Variants in MTCL3 observed in about 807,000 individuals in gnomAD.
MTCL3 encodes microtubule cross-linking factor 3.
the MTCL3 span, among the ~76,000 whole-genome samples, chr6:127,486,318 C>T: frequency 6.6e-6 from 1 of 152,208 alleles, no homozygotes; most frequent in Non-Finnish European, 1.5e-5. Context: ...GTGTAAGTAT[C>T]ACATTTGCAT....
the MTCL3 span, among the ~76,000 whole-genome samples, chr6:127,493,925 G>C: frequency 6.6e-6 from 1 of 152,162 alleles, no homozygotes; most frequent in Non-Finnish European, 1.5e-5. Context: ...TGACGACAGA[G>C]TTATGTGAAT....
chr6:127,516,251 C>A, the MTCL3 span: 1 of 1,455,226 alleles, frequency 6.9e-7, no homozygotes, highest in Non-Finnish European at 9.0e-7. Context: ...TCAGCACCAG[C>A]CACAGGCTGG....
At chr6:127,515,568 C>G in the MTCL3 span, 11 of 1,462,750 alleles carry the variant, frequency 7.5e-6, no homozygotes, top group Non-Finnish European at 9.9e-6. This position sits in a 1 kb window ranked among gnomAD's most constrained non-coding sequence, Gnocchi z 4.3. Flanking sequence ...GCATTTCTTC[C>G]TGCTCTTGGA....
chr6:127,475,842 C>T, the MTCL3 span: 2 of 1,613,406 alleles, frequency 1.2e-6, no homozygotes, highest in Admixed American at 3.3e-5. This position sits in a 1 kb window ranked among gnomAD's most constrained non-coding sequence, Gnocchi z 7.3. Context: ...TGGACATAAG[C>T]ACGCGGTTCT....
At chr6:127,516,736 C>T in the MTCL3 span, 7 of 1,459,044 alleles carry the variant, frequency 4.8e-6, no homozygotes, top group East Asian at 5.0e-5. Flanking sequence ...AAGAAGACAA[C>T]ATGTCTGAAT....
the MTCL3 span, among the ~76,000 whole-genome samples, chr6:127,491,402 A>AG: frequency 6.6e-6 from 1 of 152,260 alleles, no homozygotes; most frequent in African/African-American, 2.4e-5. Flanking sequence ...ATCAACATCC[A>AG]GGGAAGACCC....
At chr6:127,507,842 CAAAAAAAAAAAAAAAA>C in the MTCL3 span, among the ~76,000 whole-genome samples, 4 of 82,088 alleles carry the variant, frequency 4.9e-5, no homozygotes, top group African/African-American at 2.3e-4. Context: ...GACTATGTCT[CAAAAAAAAAAAAAAAA>C]AAAAAAAAAA....
At chr6:127,506,471 C>A in the MTCL3 span, among the ~76,000 whole-genome samples, 1 of 152,158 alleles carries the variant, frequency 6.6e-6, no homozygotes, top group Admixed American at 6.5e-5. Context: ...CAATGTACAT[C>A]CCTTGGATTA....
At chr6:127,513,350 C>G in the MTCL3 span, among the ~76,000 whole-genome samples, 1 of 152,196 alleles carries the variant, frequency 6.6e-6, no homozygotes, top group African/African-American at 2.4e-5. Flanking sequence ...GCCTGGCAAT[C>G]TGGCTCTAAA....
the MTCL3 span, among the ~76,000 whole-genome samples, chr6:127,491,261 G>T: frequency 1.3e-5 from 2 of 152,192 alleles, no homozygotes; most frequent in African/African-American, 2.4e-5. Context: ...AAACAGCATT[G>T]CCTGCTACAG....
the MTCL3 span, chr6:127,482,836 C>G: frequency 9.1e-7 from 1 of 1,094,384 alleles, no homozygotes; most frequent in African/African-American, 1.6e-5. The surrounding 1 kb of genome is among the most constrained non-coding windows in gnomAD (Gnocchi z 4.1). Flanking sequence ...GCCATTATAT[C>G]TATTTATAAA....
At chr6:127,513,102 G>A in the MTCL3 span, 3 of 1,463,440 alleles carry the variant, frequency 2.0e-6, no homozygotes, top group East Asian at 7.3e-5. Flanking sequence ...ATATAATAAG[G>A]GCTAAAATTG....
chr6:127,488,619 TGAAAAGG>T, the MTCL3 span, among the ~76,000 whole-genome samples: 30 of 152,336 alleles, frequency 2.0e-4, no homozygotes, highest in East Asian at 4.8e-3. Context: ...AAAGCCCATT[TGAAAAGG>T]TCTACTTTAA....
the MTCL3 span, among the ~76,000 whole-genome samples, chr6:127,504,475 G>T: frequency 4.2e-4 from 64 of 152,226 alleles, no homozygotes; most frequent in Middle Eastern, 6.8e-3. Context: ...TATGTAAAAG[G>T]CTGAGACAGA....
the MTCL3 span, among the ~76,000 whole-genome samples, chr6:127,499,861 C>T: frequency 1.3e-5 from 2 of 152,280 alleles, no homozygotes; most frequent in Admixed American, 1.3e-4. Context: ...AGAGTATTTC[C>T]CCTCACTACC....
At chr6:127,491,244 T>C in the MTCL3 span, among the ~76,000 whole-genome samples, 1 of 152,222 alleles carries the variant, frequency 6.6e-6, no homozygotes, top group African/African-American at 2.4e-5. Context: ...GTGGGTAAAA[T>C]GCTGTCAAAC....
At chr6:127,479,080 G>A in the MTCL3 span, among the ~76,000 whole-genome samples, 1 of 151,798 alleles carries the variant, frequency 6.6e-6, no homozygotes, top group Non-Finnish European at 1.5e-5. Flanking sequence ...AAAGGTTTGG[G>A]AGGGGAAATC....
chr6:127,515,808 C>T, the MTCL3 span: 2 of 1,609,800 alleles, frequency 1.2e-6, no homozygotes, highest in African/African-American at 1.3e-5. This position sits in a 1 kb window ranked among gnomAD's most constrained non-coding sequence, Gnocchi z 4.3. Flanking sequence ...CCGCCGCTGC[C>T]GCCCGCTCCT....
At chr6:127,473,345 G>A in the MTCL3 span, 1 of 1,546,262 alleles carries the variant, frequency 6.5e-7, no homozygotes, top group Non-Finnish European at 8.7e-7. Context: ...AGAAAGTGAT[G>A]AAAATAATAC....
Sources: allele counts gnomAD v4.1 joint callset (sites outside exome capture counted in the v4.1 genomes callset), GRCh38; gene constraint gnomAD v4.1.1; non-coding constraint Gnocchi (gnomAD v3.1); transcripts MANE v1.5; gene names NCBI Gene and HGNC (gene_info 2026-07-23, HGNC 2026-07-21).